EMCN: variants seen among roughly 807,000 people sequenced by gnomAD.
EMCN encodes endomucin, also known as MUC-14.
A neutral mutation model predicts 38.4 loss-of-function variants in EMCN; 37 were observed. The observed-to-expected ratio is 0.96, with a 90% CI of 0.74 to 1.27. EMCN has a LOEUF of 1.27. EMCN is among the 50% of genes most tolerant of loss of function. EMCN has a pLI of 0.00. For missense variants in EMCN, 318 were observed against 302.8 expected, an observed-to-expected ratio of 1.05 and a Z score of -0.37; for synonymous variants, 95 against 100.8, an observed-to-expected ratio of 0.94 and a Z score of 0.35.
At chr4:100,489,145 TG>T (rs1226076591) in intron 1 of EMCN, among the ~76,000 whole-genome samples, 1 of 152,056 alleles carries the variant, frequency 6.6e-6, no homozygotes, top group Non-Finnish European at 1.5e-5. Flanking sequence ...CAAATTCAGG[TG>T]ATCTAGTCTC....
chr4:100,456,513 G>A (rs1264345089), intron 4 of EMCN, among the ~76,000 whole-genome samples: 1 of 151,956 alleles, frequency 6.6e-6, no homozygotes, highest in East Asian at 1.9e-4. Flanking sequence ...TGCCAGTTTT[G>A]GTACTGCATA....
intron 1 of EMCN, among the ~76,000 whole-genome samples, chr4:100,486,573 G>A (rs563673768): frequency 7.9e-5 from 12 of 152,298 alleles, no homozygotes; most frequent in Non-Finnish European, 1.3e-4. Context: ...CTCATCTCTC[G>A]CAGAGAGAAA....
At chr4:100,466,526 G>T (rs960993044) in intron 3 of EMCN, among the ~76,000 whole-genome samples, 1 of 152,118 alleles carries the variant, frequency 6.6e-6, no homozygotes, top group Admixed American at 6.5e-5. Context: ...TTTTCCTTCA[G>T]GTAAAAAGCC....
At chr4:100,488,690 T>C (rs1198424891) in intron 1 of EMCN, among the ~76,000 whole-genome samples, 1 of 152,140 alleles carries the variant, frequency 6.6e-6, no homozygotes, top group Non-Finnish European at 1.5e-5. Flanking sequence ...TAGTCTACAG[T>C]ATTGCACTTG....
intron 1 of EMCN, among the ~76,000 whole-genome samples, chr4:100,497,775 G>A (rs2110297720): frequency 1.3e-5 from 2 of 152,182 alleles, no homozygotes; most frequent in African/African-American, 4.8e-5. Flanking sequence ...AGAAATTATT[G>A]CTCATGTATA....
At chr4:100,400,056 G>A (rs1217713708) in intron 11 of EMCN, among the ~76,000 whole-genome samples, 5 of 152,060 alleles carry the variant, frequency 3.3e-5, no homozygotes, top group African/African-American at 1.2e-4. Flanking sequence ...TGGGAAACAA[G>A]GCTTCCTGTG....
intron 5 of EMCN, among the ~76,000 whole-genome samples, chr4:100,437,542 T>A (rs1235311562): frequency 6.6e-6 from 1 of 152,176 alleles, no homozygotes; most frequent in Admixed American, 6.5e-5. Flanking sequence ...TTTCTGGTCT[T>A]ACCTTTCAGT....
At chr4:100,513,652 T>A (rs1333694785) in intron 1 of EMCN, among the ~76,000 whole-genome samples, 2 of 152,174 alleles carry the variant, frequency 1.3e-5, no homozygotes. Flanking sequence ...TTCCCTTATA[T>A]TTGGTGCTCA....
chr4:100,447,235 A>C (rs1727697349), intron 5 of EMCN, among the ~76,000 whole-genome samples: 1 of 152,200 alleles, frequency 6.6e-6, no homozygotes, highest in Non-Finnish European at 1.5e-5. Context: ...CTGACAACAG[A>C]AACAGATCAA....
At chr4:100,405,323 C>G (rs1414480179) in intron 11 of EMCN, among the ~76,000 whole-genome samples, 2 of 151,994 alleles carry the variant, frequency 1.3e-5, no homozygotes, top group East Asian at 3.9e-4. Context: ...GATGCTTTTT[C>G]CCATTCAGTC....
Position 100,423,390 on chromosome 4 carries a change from G to A in EMCN, c.430C>T (p.Pro144Ser), listed in dbSNP as rs753932114. The change falls in exon 6 of 12, where the codon CCA (proline) becomes TCA (serine). Residue 144 changes from proline to serine, a missense_variant. Physicochemically the swap from Pro to Ser is moderately conservative, Grantham distance 74 (BLOSUM62 -1). Coordinates refer to ENST00000296420, the MANE Select transcript of EMCN (RefSeq NM_016242.4). ...TTEIPGSVLQPDASPSKTGTL... is the reference protein window; with the variant it reads ...TTEIPGSVLQSDASPSKTGTL... ...CCAGTTTTAGAAGGTGATGCATCTG[G>A]TTGTAGAACACTACCTGTATGAAAA... 4 of 1,611,312 alleles carry A rather than the reference G, an allele frequency of 2.5e-6. No homozygotes were observed. The highest frequency in any genetic ancestry group is 3.4e-6 in the Non-Finnish European group (4 of 1,177,768).
chr4:100,429,855 C>T (rs922503351), intron 5 of EMCN, among the ~76,000 whole-genome samples: 3 of 152,094 alleles, frequency 2.0e-5, no homozygotes, highest in African/African-American at 7.2e-5. Context: ...TACTGTGGCT[C>T]AGAGAGATAA....
intron 4 of EMCN, among the ~76,000 whole-genome samples, chr4:100,451,351 T>C (rs1186936265): frequency 6.6e-6 from 1 of 151,794 alleles, no homozygotes; most frequent in Non-Finnish European, 1.5e-5. Context: ...TTGATGAATA[T>C]GAATGTGTAG....
chr4:100,502,412 A>AG (rs1460728768), intron 1 of EMCN, among the ~76,000 whole-genome samples: 2 of 152,296 alleles, frequency 1.3e-5, no homozygotes, highest in African/African-American at 4.8e-5. Context: ...AGGCCGCCCT[A>AG]GAAAAAAAAT....
At chr4:100,419,665 G>C (rs1046057856) in intron 8 of EMCN, among the ~76,000 whole-genome samples, 6 of 152,036 alleles carry the variant, frequency 3.9e-5, no homozygotes, top group Non-Finnish European at 8.8e-5. Flanking sequence ...GTAAAAGACA[G>C]GATTGGTAGG....
At chr4:100,410,439 TTC>T in intron 10 of EMCN, 84 bp from the exon 11 acceptor site, 1 of 1,395,344 alleles carries the variant, frequency 7.2e-7, no homozygotes, top group South Asian at 1.2e-5. Context: ...TTTTCTATTT[TTC>T]AAGGAAAGTT....
intron 8 of EMCN, among the ~76,000 whole-genome samples, chr4:100,417,680 G>T (rs1183665078): frequency 6.6e-6 from 1 of 152,194 alleles, no homozygotes; most frequent in Non-Finnish European, 1.5e-5. Context: ...GAGGCTACTA[G>T]CTGCAACTAA....
intron 4 of EMCN, among the ~76,000 whole-genome samples, chr4:100,461,769 A>G (rs1728185196): frequency 6.6e-6 from 1 of 152,192 alleles, no homozygotes; most frequent in Non-Finnish European, 1.5e-5. Context: ...TTAAACCTGT[A>G]TTTGTTTTCA....
At chr4:100,425,523 G>C (rs545051528) in intron 5 of EMCN, among the ~76,000 whole-genome samples, 135 of 152,028 alleles carry the variant, frequency 8.9e-4, no homozygotes, top group Non-Finnish European at 1.7e-3. Context: ...TGGAATCTTG[G>C]GCAAGTTGCT....
Sources: allele counts gnomAD v4.1 joint callset (sites outside exome capture counted in the v4.1 genomes callset), GRCh38; gene constraint gnomAD v4.1.1; transcripts MANE v1.5; gene names NCBI Gene and HGNC (gene_info 2026-07-23, HGNC 2026-07-21).